The following PCDH15 variants were observed in gnomAD, a reference collection of about 807,000 sequenced individuals.
PCDH15 encodes the protein protocadherin related 15.
PCDH15 carries 129 observed loss-of-function variants against 178.5 expected under a neutral mutation model. That is an observed-to-expected ratio of 0.72 (90% CI 0.63 to 0.84). PCDH15 has a LOEUF of 0.84. Ranked by LOEUF, PCDH15 falls within the 40% of genes least tolerant of loss-of-function variation. PCDH15 has a pLI of 0.00. For missense variants in PCDH15, 2,230 were observed against 2,099.9 expected (o/e 1.06, Z -1.21); for synonymous variants, 800 against 732.0 (o/e 1.09, Z -1.50).
At chr10:55,032,916 C>A (rs111698518) in intron 2 of PCDH15, among the ~76,000 whole-genome samples, 1,714 of 152,230 alleles carry the variant, frequency 0.011, 38 homozygotes, top group African/African-American at 0.039. Context: ...AGTCTCTGCA[C>A]CCATTGTTTT....
chr10:54,170,542 C>G (rs1429155044), intron 13 of PCDH15, among the ~76,000 whole-genome samples: 1 of 151,298 alleles, frequency 6.6e-6, no homozygotes, highest in African/African-American at 2.5e-5. Flanking sequence ...CTTCCCAGCT[C>G]CTTCAGCTAT....
chr10:54,802,230 A>C (rs776545763), upstream of PCDH15, among the ~76,000 whole-genome samples: 37 of 152,342 alleles, frequency 2.4e-4, no homozygotes, highest in Middle Eastern at 3.4e-3. Flanking sequence ...CCATGCCTCC[A>C]GAAATGTTGC....
At chr10:54,945,676 C>A (rs2131868607) in intron 2 of PCDH15, among the ~76,000 whole-genome samples, 1 of 151,798 alleles carries the variant, frequency 6.6e-6, no homozygotes, top group Non-Finnish European at 1.5e-5. Flanking sequence ...AGTAGCCTTT[C>A]TAAAATGGCC....
intron 2 of PCDH15, among the ~76,000 whole-genome samples, chr10:55,142,985 C>T (rs1224375277): frequency 6.6e-6 from 1 of 152,040 alleles, no homozygotes; most frequent in Non-Finnish European, 1.5e-5. Flanking sequence ...AGATGATTGG[C>T]TTATGGGTGC....
chr10:54,552,182 T>G (rs1319255624), intron 2 of PCDH15, among the ~76,000 whole-genome samples: 1 of 152,166 alleles, frequency 6.6e-6, no homozygotes, highest in Non-Finnish European at 1.5e-5. Flanking sequence ...ATTACATATT[T>G]GTTTAAACTC....
intron 2 of PCDH15, among the ~76,000 whole-genome samples, chr10:55,071,578 A>G (rs545070986): frequency 6.6e-6 from 1 of 152,300 alleles, no homozygotes; most frequent in Non-Finnish European, 1.5e-5. Flanking sequence ...CCAATACAGG[A>G]GCACCCAGAT....
In PCDH15 at chr10:54,596,096, C is replaced by T. The variant is rs1028541543; in HGVS notation, c.91+68076G>A. Among the ~76,000 whole-genome samples the T allele has an allele frequency of 2.6e-5, 4 of 152,058 alleles. No homozygotes were observed. The South Asian group carries it at 8.3e-4, about 32-fold the overall frequency. On this transcript the variant is annotated intron_variant, in intron 2 of 37. Coordinates refer to ENST00000644397, the MANE Select transcript of PCDH15 (RefSeq NM_001384140.1). The stretch of plus-strand genomic sequence containing the variant: ...CAACCTAACCACCAATATTCAAATT[C>T]AGAAAATGAAGAGAACTCCCACAAA...
At chr10:54,391,737 A>G (rs1463903186) in intron 3 of PCDH15, among the ~76,000 whole-genome samples, 2 of 152,170 alleles carry the variant, frequency 1.3e-5, no homozygotes, top group East Asian at 3.9e-4. Context: ...TTCTTTGCCC[A>G]TTTGTGGAAG....
At chr10:55,025,072 G>C (rs758293214) in intron 2 of PCDH15, among the ~76,000 whole-genome samples, 1 of 152,038 alleles carries the variant, frequency 6.6e-6, no homozygotes. Context: ...CTCTCTCCCT[G>C]TATCTCTAAT....
chr10:54,960,387 C>T (rs534085717), intron 2 of PCDH15, among the ~76,000 whole-genome samples: 1 of 152,178 alleles, frequency 6.6e-6, no homozygotes, highest in African/African-American at 2.4e-5. Context: ...TTTGCTTAGT[C>T]TTCCCTCAGG....
At chr10:54,451,347 A>AACTAG (rs2076467112) in intron 3 of PCDH15, among the ~76,000 whole-genome samples, 1 of 151,926 alleles carries the variant, frequency 6.6e-6, no homozygotes, top group Non-Finnish European at 1.5e-5. Context: ...ACTAGTGAGC[A>AACTAG]TTATCTTTTG....
chr10:55,459,848 T>C (rs964859623), intron 2 of PCDH15, among the ~76,000 whole-genome samples: 4 of 152,114 alleles, frequency 2.6e-5, no homozygotes, highest in African/African-American at 4.8e-5. Context: ...GAAGTGGCTA[T>C]GTGAGTGGTT....
At chr10:54,057,418 C>G (rs12244759) in intron 18 of PCDH15, among the ~76,000 whole-genome samples, 31,751 of 152,002 alleles carry the variant, frequency 0.21, 3,500 homozygotes, top group Non-Finnish European at 0.23. Flanking sequence ...TGCACCTGCA[C>G]GATCAACACC....
intron 1 of PCDH15, among the ~76,000 whole-genome samples, chr10:54,698,973 C>G (rs2095271754): frequency 6.6e-6 from 1 of 152,072 alleles, no homozygotes; most frequent in African/African-American, 2.4e-5. Flanking sequence ...CTTTGTCTTT[C>G]ACATTTAAAA....
At chr10:54,509,191 C>A (rs939535778) in intron 3 of PCDH15, among the ~76,000 whole-genome samples, 3 of 151,922 alleles carry the variant, frequency 2.0e-5, no homozygotes, top group African/African-American at 7.3e-5. Flanking sequence ...GTGTCCCCAC[C>A]GAAACCTCAT....
chr10:54,878,942 T>C (rs1954206325), intron 3 of PCDH15, among the ~76,000 whole-genome samples: 1 of 152,204 alleles, frequency 6.6e-6, no homozygotes, highest in Admixed American at 6.5e-5. Context: ...ATTATTTATT[T>C]ATAATGCTTC....
At chr10:55,262,980 A>C (rs1243623661) in intron 1 of PCDH15, among the ~76,000 whole-genome samples, 3 of 152,082 alleles carry the variant, frequency 2.0e-5, no homozygotes, top group African/African-American at 7.2e-5. Context: ...GCCCATCTGC[A>C]TGCTCCCCTA....
At chr10:55,310,430 T>G (rs1021066586) in intron 1 of PCDH15, among the ~76,000 whole-genome samples, 1 of 152,182 alleles carries the variant, frequency 6.6e-6, no homozygotes, top group African/African-American at 2.4e-5. Flanking sequence ...TTTTTTCATT[T>G]CTAAAAGAAC....
intron 3 of PCDH15, among the ~76,000 whole-genome samples, chr10:54,896,930 G>T (rs768778533): frequency 4.6e-5 from 7 of 152,088 alleles, no homozygotes; most frequent in Non-Finnish European, 1.0e-4. Context: ...ATTACATATT[G>T]AGAATAAAGA....
Sources: allele counts gnomAD v4.1 joint callset (sites outside exome capture counted in the v4.1 genomes callset), GRCh38; gene constraint gnomAD v4.1.1; transcripts MANE v1.5; gene names NCBI Gene and HGNC (gene_info 2026-07-23, HGNC 2026-07-21).